The following EPS8 variants were observed in gnomAD, a reference collection of about 807,000 sequenced individuals.
EPS8 encodes EGFR pathway substrate 8, signaling adaptor.
Under a neutral mutation model 103.8 loss-of-function variants are expected in EPS8, and 42 were observed. The ratio of observed to expected loss-of-function variants is 0.40; its 90% confidence interval spans 0.32 to 0.52. EPS8 has a LOEUF of 0.52. EPS8 is among the 20% of genes least tolerant of loss of function. The probability of loss-of-function intolerance (pLI) is 0.40; values close to 1 mark genes in which losing one functional copy is unlikely to be tolerated. For missense variants in EPS8, 969 were observed against 1,005.1 expected, an observed-to-expected ratio of 0.96 and a Z score of 0.49; for synonymous variants, 344 against 344.6, an observed-to-expected ratio of 1.00 and a Z score of 0.02.
chr12:15,764,294 A>T lies in EPS8; in HGVS notation c.-22+24867T>A, dbSNP rs962215929. On this transcript the variant is annotated intron_variant, in intron 1 of 20. Transcript: ENST00000281172. The surrounding 1 kb of genome is among the most constrained non-coding windows in gnomAD (Gnocchi z 4.1). ...TCCCACCGGGTCCCTCTCATGACAC[A>T]TGGGAATTATGCAAGCTACAATTCA... 3.3e-5 allele frequency among the ~76,000 whole-genome samples: 5 copies of T among 152,242 alleles called. No homozygotes were observed. The highest frequency in any genetic ancestry group is 2.0e-4 in the Admixed American group (3 of 15,280).
At position 15,688,216 on chromosome 12, in the gene EPS8, T is replaced by G. The variant is rs932296095; in HGVS notation, c.-21-5244A>C. On this transcript the variant is annotated intron_variant, in intron 1 of 20. Transcript: ENST00000281172. This position sits in a 1 kb window ranked among gnomAD's most constrained non-coding sequence, Gnocchi z 5.1. ...ATTTTACAAATATCACCTCACTTTATCCTTAAAACAACATTATCAGCTAGT... is the reference window on the plus strand; with the variant it reads ...ATTTTACAAATATCACCTCACTTTAGCCTTAAAACAACATTATCAGCTAGT... Among the ~76,000 whole-genome samples, 1 of 152,214 alleles carries G rather than the reference T, an allele frequency of 6.6e-6. No individual in the cohort carries two copies. The highest frequency in any genetic ancestry group is 2.4e-5 in the African/African-American group (1 of 41,446).
intron 14 of EPS8, among the ~76,000 whole-genome samples, chr12:15,649,920 G>A (rs541256786): frequency 3.3e-5 from 5 of 152,116 alleles, no homozygotes; most frequent in South Asian, 2.1e-4. Context: ...ATAGGATTTC[G>A]GGAAGATCTA....
chr12:15,764,045 A>T lies in EPS8; in HGVS notation c.-22+25116T>A, dbSNP rs946270402. ...TAATAGACATACCTGAGACTAATTT[A>T]TAAAGGAAAAGAGGTTTAATGGACT... is the stretch of plus-strand genomic sequence containing the variant. On this transcript the variant is annotated intron_variant, in intron 1 of 20. Coordinates refer to ENST00000281172, the MANE Select transcript of EPS8 (RefSeq NM_004447.6). This position sits in a 1 kb window ranked among gnomAD's most constrained non-coding sequence, Gnocchi z 4.1. Among the ~76,000 whole-genome samples the T allele has an allele frequency of 2.0e-5, 3 of 152,228 alleles. No homozygotes were observed. Among genetic ancestry groups the T allele is most frequent in the Non-Finnish European group, 4.4e-5 (3 of 68,044 alleles).
chr12:15,663,937 A>AT (rs1172710429), intron 8 of EPS8, among the ~76,000 whole-genome samples: 38 of 9,600 alleles, frequency 4.0e-3, no homozygotes, highest in African/African-American at 4.5e-3. Flanking sequence ...AAAAAAAAAA[A>AT]AAAAAAAAAT....
In EPS8 at chr12:15,738,622, A is replaced by T. The variant is rs1183095803; in HGVS notation, c.-22+50539T>A. On this transcript the variant is annotated intron_variant, in intron 1 of 20. Transcript: ENST00000281172. The surrounding 1 kb of genome is among the most constrained non-coding windows in gnomAD (Gnocchi z 6.2). ...TTTATGCCCTAGGGCATTCTGCATT[A>T]TTATGCCCTAGGGCATTTTAAGTAC... 6.6e-6 allele frequency among the ~76,000 whole-genome samples: 1 copy of T among 152,132 alleles called. No homozygotes were observed. The highest frequency in any genetic ancestry group is 1.5e-5 in the Non-Finnish European group (1 of 68,014).
chr12:15,683,130 T>A, intron 1 of EPS8, 158 bp from the exon 2 acceptor site: 1 of 446,880 alleles, frequency 2.2e-6, no homozygotes, highest in Non-Finnish European at 3.9e-6. Context: ...GCCCCAGAGG[T>A]ATAGATGAAC....
At chr12:15,719,396 C>A (rs1294818210) in intron 1 of EPS8, among the ~76,000 whole-genome samples, 1 of 151,968 alleles carries the variant, frequency 6.6e-6, no homozygotes, top group African/African-American at 2.4e-5. Context: ...GTAAAACCTG[C>A]AATTAAATTT....
chr12:15,688,441 T>C lies in EPS8; in HGVS notation c.-21-5469A>G, dbSNP rs536113519. 4.6e-5 allele frequency among the ~76,000 whole-genome samples: 7 copies of C among 152,222 alleles called. No individual in the cohort carries two copies. Among genetic ancestry groups the C allele is most frequent in the Admixed American group, 3.9e-4 (6 of 15,284 alleles). On this transcript the variant is annotated intron_variant, in intron 1 of 20. Transcript: ENST00000281172. The surrounding 1 kb of genome is among the most constrained non-coding windows in gnomAD (Gnocchi z 5.1). ...CTAGATGAGGACAGGCATTTTTGTT[T>C]TCCTGCCCAAATGTTGCATTTCCCA...
intron 1 of EPS8, among the ~76,000 whole-genome samples, chr12:15,755,948 T>C (rs1946982268): frequency 6.6e-6 from 1 of 152,220 alleles, no homozygotes; most frequent in African/African-American, 2.4e-5. Context: ...ATTTGTATTT[T>C]GATTGCTCCT....
At position 15,717,430 on chromosome 12, in the gene EPS8, T is replaced by C. The variant is rs148144542; in HGVS notation, c.-21-34458A>G. On this transcript the variant is annotated intron_variant, in intron 1 of 20. Coordinates refer to ENST00000281172, the MANE Select transcript of EPS8 (RefSeq NM_004447.6). This position sits in a 1 kb window ranked among gnomAD's most constrained non-coding sequence, Gnocchi z 4.3. ...GGTGAAACCCCATCTCTACTAAAAATACAAAAATTAGCTGGGCGCGGTGGC... is the reference window on the plus strand; with the variant it reads ...GGTGAAACCCCATCTCTACTAAAAACACAAAAATTAGCTGGGCGCGGTGGC... Among the ~76,000 whole-genome samples, 278 of 152,026 alleles carry C rather than the reference T, an allele frequency of 1.8e-3. 5 individuals carry two copies. The East Asian group carries it at 0.027, about 15-fold the overall frequency.
intron 1 of EPS8, chr12:15,732,841 A>G (rs1946731941): frequency 2.8e-6 from 2 of 724,494 alleles, no homozygotes; most frequent in Non-Finnish European, 3.4e-6. Context: ...GTTGTTAATC[A>G]TTGTTAAGGC....
At position 15,704,778 on chromosome 12, in the gene EPS8, AACT is replaced by A. The variant is rs1284084062; in HGVS notation, c.-21-21809_-21-21807del. ...ATTAGAGAAATCTGAGGAACAAATG[AACT>A]ACTGAATGTCTGTGAGCCTATCAGG... On this transcript the variant is annotated intron_variant, in intron 1 of 20. Coordinates refer to ENST00000281172, the MANE Select transcript of EPS8 (RefSeq NM_004447.6). The surrounding 1 kb of genome is among the most constrained non-coding windows in gnomAD (Gnocchi z 4.6). Among the ~76,000 whole-genome samples, 1 of 152,198 alleles carries A rather than the reference AACT, an allele frequency of 6.6e-6. No individual in the cohort carries two copies. Among genetic ancestry groups the A allele is most frequent in the Non-Finnish European group, 1.5e-5 (1 of 68,034 alleles).
chr12:15,653,881 T>C (rs1945460769), intron 13 of EPS8, among the ~76,000 whole-genome samples: 1 of 152,194 alleles, frequency 6.6e-6, no homozygotes, highest in South Asian at 2.1e-4. Flanking sequence ...GAAAGCTAAC[T>C]ACCCTCCTGT....
At chr12:15,715,721 T>G (rs1946525502) in intron 1 of EPS8, among the ~76,000 whole-genome samples, 1 of 152,090 alleles carries the variant, frequency 6.6e-6, no homozygotes, top group Non-Finnish European at 1.5e-5. Context: ...AATCCTGACC[T>G]CAGGTGATCT....
chr12:15,723,905 A>G (rs1182146308), intron 1 of EPS8, among the ~76,000 whole-genome samples: 3 of 152,172 alleles, frequency 2.0e-5, no homozygotes, highest in Admixed American at 6.5e-5. Flanking sequence ...GTAAATACAG[A>G]ATTAAATTTG....
At chr12:15,712,602 T>C (rs1273849368) in intron 1 of EPS8, among the ~76,000 whole-genome samples, 1 of 152,066 alleles carries the variant, frequency 6.6e-6, no homozygotes, top group Non-Finnish European at 1.5e-5. Context: ...AGGAAAGAAA[T>C]CCTTTGAATC....
chr12:15,756,331 T>C (rs1390540229), intron 1 of EPS8, among the ~76,000 whole-genome samples: 4 of 152,216 alleles, frequency 2.6e-5, no homozygotes, highest in Non-Finnish European at 5.9e-5. Context: ...TTATATGTTC[T>C]ACCAAGAAAT....
intron 2 of EPS8, among the ~76,000 whole-genome samples, chr12:15,682,555 A>G (rs1946026375): frequency 6.6e-6 from 1 of 152,234 alleles, no homozygotes; most frequent in Non-Finnish European, 1.5e-5. Flanking sequence ...TTTATAAATA[A>G]CAATAACAGA....
intron 1 of EPS8, among the ~76,000 whole-genome samples, chr12:15,722,545 T>C (rs1946608310): frequency 6.6e-6 from 1 of 152,136 alleles, no homozygotes; most frequent in Admixed American, 6.5e-5. Flanking sequence ...TAATACACTG[T>C]CAAAATTTCC....
Sources: gnomAD v4.1 joint callset for allele counts (sites outside exome capture counted in the v4.1 genomes callset) on GRCh38, gnomAD v4.1.1 for gene constraint, Gnocchi (gnomAD v3.1) non-coding constraint, MANE v1.5 for transcripts, NCBI Gene and HGNC (gene_info 2026-07-23, HGNC 2026-07-21) for gene names.